Variants in CNTNAP2 observed in about 807,000 individuals in gnomAD.
CNTNAP2 encodes contactin associated protein 2, also known as contactin-associated protein-like 2.
Under a neutral mutation model 155.2 loss-of-function variants are expected in CNTNAP2, and 98 were observed. That is an observed-to-expected ratio of 0.63 (90% CI 0.54 to 0.75). The LOEUF (loss-of-function observed/expected upper bound fraction) is 0.75, where lower values mean the gene tolerates loss of function less well. CNTNAP2 is among the 30% of genes least tolerant of loss of function. The probability of loss-of-function intolerance (pLI) is 0.00; values close to 1 mark genes in which losing one functional copy is unlikely to be tolerated. For missense variants in CNTNAP2, 1,727 were observed against 1,688.1 expected, an observed-to-expected ratio of 1.02 and a Z score of -0.40; for synonymous variants, 651 against 631.2, an observed-to-expected ratio of 1.03 and a Z score of -0.47.
chr7:148,059,789 G>A (rs1353614160), intron 15 of CNTNAP2, among the ~76,000 whole-genome samples: 1 of 149,628 alleles, frequency 6.7e-6, no homozygotes, highest in East Asian at 1.9e-4. Flanking sequence ...TTAGTAAGGA[G>A]GGGAATACAT....
At chr7:147,944,535 A>G (rs1405611537) in intron 14 of CNTNAP2, among the ~76,000 whole-genome samples, 1 of 152,240 alleles carries the variant, frequency 6.6e-6, no homozygotes, top group Non-Finnish European at 1.5e-5. Context: ...ATGTTAAGAG[A>G]CATATGCCCA....
chr7:147,159,090 G>C (rs943778633), intron 8 of CNTNAP2, among the ~76,000 whole-genome samples: 1 of 152,028 alleles, frequency 6.6e-6, no homozygotes, highest in African/African-American at 2.4e-5. Context: ...ACAGGCAAAG[G>C]GAACAGCATT....
At chr7:147,135,553 T>C (rs1437525629) in intron 8 of CNTNAP2, among the ~76,000 whole-genome samples, 1 of 151,806 alleles carries the variant, frequency 6.6e-6, no homozygotes, top group Non-Finnish European at 1.5e-5. Context: ...TAATGAATAA[T>C]AGCTGTTCAT....
intron 1 of CNTNAP2, among the ~76,000 whole-genome samples, chr7:146,602,706 A>G (rs566957647): frequency 8.3e-4 from 126 of 152,320 alleles, no homozygotes; most frequent in African/African-American, 2.9e-3. Context: ...AGGGTAAAAA[A>G]TATTATACTA....
At position 147,943,709 on chromosome 7, in the gene CNTNAP2, G is replaced by C. The variant is rs577815961; in HGVS notation, c.2256-34153G>C. On this transcript the variant is annotated intron_variant, in intron 14 of 23. Transcript: ENST00000361727. ...GCCCAGGAGACAGAGGTTGCAGTGA[G>C]CTGAGATAATGTCACTCACTGCACT... is the stretch of plus-strand genomic sequence containing the variant. 1.6e-3 allele frequency among the ~76,000 whole-genome samples: 208 copies of C among 129,790 alleles called. 2 individuals are homozygous for C. The highest frequency in any genetic ancestry group is 5.6e-3 in the African/African-American group (197 of 35,198). 85.1% of individuals were successfully genotyped at this position (129,790 alleles called of 152,430 possible). A position where few individuals can be genotyped will look rare whatever the true frequency, so the allele number is the denominator to read the frequency against.
chr7:146,269,267 G>A (rs1800042851), intron 1 of CNTNAP2, among the ~76,000 whole-genome samples: 1 of 152,202 alleles, frequency 6.6e-6, no homozygotes, highest in Non-Finnish European at 1.5e-5. Context: ...TTGAACCTGG[G>A]AGGTGGAGGT....
rs1358247051 is a variant in CNTNAP2, at chr7:147,300,194, A to T, written c.1402A>T (p.Asn468Tyr). 3 of 1,613,924 alleles carry T rather than the reference A, an allele frequency of 1.9e-6. No homozygotes were observed. The highest frequency in any genetic ancestry group is 2.5e-6 in the Non-Finnish European group (3 of 1,179,956). The change falls in exon 9 of 24, where the codon AAT becomes TAT. Residue 468 changes from asparagine to tyrosine, a missense_variant. By Grantham distance (143) the Asn-to-Tyr change is moderately radical. Coordinates refer to ENST00000361727, the MANE Select transcript of CNTNAP2 (RefSeq NM_014141.6). The part of the protein sequence containing the change: ...WHEVRFLAKE[N>Y]FAILTIDGDE... The stretch of plus-strand genomic sequence containing the variant: ...CGAGGTTCGCTTCCTAGCCAAGGAA[A>T]ATTTTGCTATTCTCACCATCGATGG...
chr7:147,308,841 C>T, intron 9 of CNTNAP2, among the ~76,000 whole-genome samples: 1 of 152,140 alleles, frequency 6.6e-6, no homozygotes. Context: ...TGGCTGAATG[C>T]TCTTTCTGCT....
At chr7:146,447,468 TA>T (rs1300247711) in intron 1 of CNTNAP2, among the ~76,000 whole-genome samples, 1 of 152,066 alleles carries the variant, frequency 6.6e-6, no homozygotes, top group African/African-American at 2.4e-5. Flanking sequence ...AGAACCAATT[TA>T]CAATTTTCAA....
chr7:148,194,482 G>GA (rs1562990821), intron 18 of CNTNAP2, among the ~76,000 whole-genome samples: 1 of 152,110 alleles, frequency 6.6e-6, no homozygotes. Context: ...GTTCCCCAGA[G>GA]AAAAAGAACC....
intron 4 of CNTNAP2, among the ~76,000 whole-genome samples, chr7:147,093,855 A>G (rs1037391060): frequency 1.3e-5 from 2 of 152,208 alleles, no homozygotes; most frequent in Admixed American, 6.5e-5. Context: ...TCGAAAATAC[A>G]ATGTGGGACA....
At chr7:146,842,247 T>C (rs1011949991) in intron 3 of CNTNAP2, among the ~76,000 whole-genome samples, 1 of 152,090 alleles carries the variant, frequency 6.6e-6, no homozygotes, top group Non-Finnish European at 1.5e-5. Context: ...GGATGTCATG[T>C]AGTGAAAACA....
rs71527812 is a variant in CNTNAP2 at position 147,469,506 on chromosome 7, A to ATTTTTTTTTTTTTTT, written c.1671-16417_1671-16403dup. The stretch of plus-strand genomic sequence containing the variant: ...CAGAGCACCAGGATGTCAGGCTGCA[A>ATTTTTTTTTTTTTTT]TTTTTTTTTTTTTTTTTTTTTTTTT... On this transcript the variant is annotated intron_variant, in intron 10 of 23. Transcript: ENST00000361727. Among the ~76,000 whole-genome samples, 677 of 79,102 alleles carry ATTTTTTTTTTTTTTT rather than the reference A, an allele frequency of 8.6e-3. 113 individuals carry two copies. The highest frequency in any genetic ancestry group is 0.015 in the South Asian group (23 of 1,492). 51.9% of individuals were successfully genotyped at this position (79,102 alleles called of 152,430 possible).
At chr7:146,381,186 G>T (rs1795382103) in intron 1 of CNTNAP2, among the ~76,000 whole-genome samples, 2 of 152,020 alleles carry the variant, frequency 1.3e-5, no homozygotes, top group South Asian at 4.1e-4. Context: ...CATGTCACAA[G>T]CAGAGACTCA....
intron 3 of CNTNAP2, among the ~76,000 whole-genome samples, chr7:146,863,607 A>G (rs1023558812): frequency 8.6e-5 from 13 of 151,872 alleles, no homozygotes; most frequent in Non-Finnish European, 1.6e-4. Flanking sequence ...ATGAAAATAT[A>G]TAATACTTGT....
rs901560246 is a variant in CNTNAP2, at chr7:147,000,041, A to G, written c.403-43866A>G. The stretch of plus-strand genomic sequence containing the variant: ...TTTAAGGTTATCCCAGAAATCCTGT[A>G]GGCTTTCTGCATTTTCTTTATTTTT... On this transcript the variant is annotated intron_variant, in intron 3 of 23. Coordinates refer to ENST00000361727, the MANE Select transcript of CNTNAP2 (RefSeq NM_014141.6). Among the ~76,000 whole-genome samples the G allele has an allele frequency of 4.0e-5, 6 of 151,874 alleles. No individual in the cohort carries two copies. The East Asian group carries it at 1.2e-3, about 29-fold the overall frequency.
intron 1 of CNTNAP2, among the ~76,000 whole-genome samples, chr7:146,352,266 A>G (rs1794926297): frequency 6.6e-6 from 1 of 152,224 alleles, no homozygotes; most frequent in African/African-American, 2.4e-5. Context: ...GCTGGAATTA[A>G]AATAATTACA....
intron 1 of CNTNAP2, among the ~76,000 whole-genome samples, chr7:146,570,710 TTGACA>T (rs1471675465): frequency 1.3e-5 from 2 of 152,154 alleles, no homozygotes; most frequent in African/African-American, 4.8e-5. Flanking sequence ...ATTCTGTATG[TTGACA>T]TGACATGTAA....
intron 2 of CNTNAP2, among the ~76,000 whole-genome samples, chr7:146,785,172 C>T (rs1227464743): frequency 4.6e-5 from 7 of 151,736 alleles, no homozygotes; most frequent in Non-Finnish European, 1.0e-4. Context: ...CAGGGTTTTG[C>T]CATGTGTGTC....
Sources: allele counts gnomAD v4.1 joint callset (sites outside exome capture counted in the v4.1 genomes callset), GRCh38; gene constraint gnomAD v4.1.1; transcripts MANE v1.5; gene names NCBI Gene and HGNC (gene_info 2026-07-23, HGNC 2026-07-21).